The following KLHL28 variants were observed in gnomAD, a reference collection of about 807,000 sequenced individuals.
KLHL28 encodes the protein kelch like family member 28, also known as kelch-like protein 28.
In KLHL28, 22 loss-of-function variants were observed where a neutral mutation model predicts 48.3. The ratio of observed to expected loss-of-function variants is 0.46; its 90% CI spans 0.33 to 0.65. The LOEUF (loss-of-function observed/expected upper bound fraction) is 0.65. Ranked by LOEUF, KLHL28 falls within the 30% of genes least tolerant of loss-of-function variation. The pLI is 0.03. For synonymous variants in KLHL28, 243 were observed against 242.4 expected, an observed-to-expected ratio of 1.00 and a Z score of -0.02; for missense variants, 527 against 704.3, an observed-to-expected ratio of 0.75 and a Z score of 2.85.
At chr14:44,956,606 A>G (rs565562313) in intron 1 of KLHL28, among the ~76,000 whole-genome samples, 1 of 152,356 alleles carries the variant, frequency 6.6e-6, no homozygotes, top group South Asian at 2.1e-4. Context: ...AAATCTTGTA[A>G]AATAAACTAA....
At chr14:44,935,761 G>T (rs1167445333) in intron 2 of KLHL28, among the ~76,000 whole-genome samples, 1 of 150,866 alleles carries the variant, frequency 6.6e-6, no homozygotes, top group Non-Finnish European at 1.5e-5. Flanking sequence ...GGGGACTTCA[G>T]AAGTATTGTT....
intron 1 of KLHL28, among the ~76,000 whole-genome samples, chr14:44,950,393 C>T (rs1884527132): frequency 6.6e-6 from 1 of 152,110 alleles, no homozygotes; most frequent in South Asian, 2.1e-4. Flanking sequence ...TGACTAGATT[C>T]ATTTTTAATA....
At chr14:44,933,831 A>G (rs868438760) in intron 3 of KLHL28, among the ~76,000 whole-genome samples, 3 of 152,248 alleles carry the variant, frequency 2.0e-5, no homozygotes, top group African/African-American at 7.2e-5. Context: ...CACACCACAC[A>G]AAATCTAAAG....
intron 1 of KLHL28, among the ~76,000 whole-genome samples, chr14:44,955,848 T>C (rs535117084): frequency 1.1e-3 from 164 of 152,252 alleles, no homozygotes; most frequent in Non-Finnish European, 1.9e-3. Context: ...AAGAGTCATA[T>C]AAAAAATATT....
intron 1 of KLHL28, among the ~76,000 whole-genome samples, chr14:44,954,301 G>A (rs914692730): frequency 1.3e-5 from 2 of 152,004 alleles, no homozygotes; most frequent in African/African-American, 4.8e-5. Flanking sequence ...AAATTACACT[G>A]GCAAAAATGT....
chr14:44,933,959 T>C (rs1276117977), intron 3 of KLHL28, among the ~76,000 whole-genome samples, 156 bp downstream of exon 3: 1 of 152,226 alleles, frequency 6.6e-6, no homozygotes, highest in African/African-American at 2.4e-5. Flanking sequence ...TAAATTCCCA[T>C]GTAAAACAAT....
intron 3 of KLHL28, 51 bp downstream of exon 3, chr14:44,934,064 A>C: frequency 7.1e-7 from 1 of 1,408,104 alleles, no homozygotes; most frequent in Non-Finnish European, 9.7e-7. Flanking sequence ...ATTGCTAATG[A>C]GACTTTTAAA....
At chr14:44,929,578 A>T (rs1194008827) in intron 4 of KLHL28, among the ~76,000 whole-genome samples, 1 of 152,246 alleles carries the variant, frequency 6.6e-6, no homozygotes, top group African/African-American at 2.4e-5. Flanking sequence ...TATTACATAT[A>T]TAGGGTTTGG....
chr14:44,943,445 G>A (rs1470809133), intron 2 of KLHL28, among the ~76,000 whole-genome samples: 2 of 152,140 alleles, frequency 1.3e-5, no homozygotes, highest in East Asian at 3.9e-4. Flanking sequence ...ATCACCTGAG[G>A]TCAGGAGTTT....
intron 1 of KLHL28, among the ~76,000 whole-genome samples, chr14:44,955,125 A>T (rs1021921892): frequency 3.3e-5 from 5 of 152,054 alleles, no homozygotes; most frequent in Admixed American, 3.3e-4. Context: ...AAAAGAAGGT[A>T]ACGACATAAC....
intron 1 of KLHL28, among the ~76,000 whole-genome samples, chr14:44,958,730 GTC>G (rs144547466): frequency 0.024 from 3,711 of 152,124 alleles, 172 homozygotes; most frequent in African/African-American, 0.085. Context: ...TATGACAGGC[GTC>G]TAAGTTACAT....
intron 2 of KLHL28, among the ~76,000 whole-genome samples, chr14:44,935,016 A>C (rs969448270): frequency 1.3e-5 from 2 of 152,198 alleles, no homozygotes; most frequent in Non-Finnish European, 2.9e-5. Context: ...GCATGCATAC[A>C]TATATGTCCA....
Position 44,929,029 on chromosome 14 carries a change from C to G in KLHL28, c.1715G>C (p.Ter572SerextTer3), listed in dbSNP as rs1883476538. The G allele has an allele frequency of 3.7e-6, 6 of 1,613,480 alleles. No individual in the cohort carries two copies. The highest frequency in any genetic ancestry group is 5.1e-6 in the Non-Finnish European group (6 of 1,179,644). ...CRCNFGLTAL[*>S] Reference sequence around the variant, plus strand: ...ACTATTTCCGAGAGTTCACATTTGTCAAAGTGCAGTTAACCCAAAGTTGCA... The same window carrying G: ...ACTATTTCCGAGAGTTCACATTTGTGAAAGTGCAGTTAACCCAAAGTTGCA... Residue 572 changes from the stop codon to serine (S), a stop_lost, in exon 5 of 5, where the codon TGA becomes TCA. Transcript: ENST00000396128.
chr14:44,935,042 G>C (rs1339630957), intron 2 of KLHL28, among the ~76,000 whole-genome samples: 1 of 152,122 alleles, frequency 6.6e-6, no homozygotes, highest in Non-Finnish European at 1.5e-5. Context: ...GTTTACTACA[G>C]TATTATTTGT....
In KLHL28 at chr14:44,925,461, C is replaced by G. The variant is rs1344435472; in HGVS notation, c.*3567G>C. The G allele has an allele frequency of 6.6e-6, 1 of 151,922 alleles. No homozygotes were observed. Among genetic ancestry groups the G allele is most frequent in the Non-Finnish European group, 1.5e-5 (1 of 67,906 alleles). The allele number at this position is 151,922 out of a possible 1,614,324, so 9.4% of individuals were successfully genotyped here. A position where few individuals can be genotyped will look rare whatever the true frequency, so the allele number is the denominator to read the frequency against. On this transcript the variant is annotated 3_prime_UTR_variant, in exon 5 of 5. Transcript: ENST00000396128. The stretch of plus-strand genomic sequence containing the variant: ...TATTTCTTTTTCATGCCAATAAAAC[C>G]TAATTGGACACTAAGGAATTGCTTA...
At chr14:44,949,152 G>C (rs904971943) in intron 1 of KLHL28, among the ~76,000 whole-genome samples, 1 of 152,048 alleles carries the variant, frequency 6.6e-6, no homozygotes, top group Non-Finnish European at 1.5e-5. Context: ...AGTGCCACAG[G>C]ACTGAAGACT....
At chr14:44,946,033 G>C (rs1884321496) in intron 1 of KLHL28, 105 bp from the exon 2 acceptor site, 1 of 926,766 alleles carries the variant, frequency 1.1e-6, no homozygotes, top group South Asian at 1.7e-5. Flanking sequence ...TTATTTGTCT[G>C]TTCATTGGTT....
rs764219045 is a variant in KLHL28 at position 44,961,011 on chromosome 14, AT to A, written c.-1+834del. The A allele has an allele frequency of 2.5e-4, 192 of 780,414 alleles. 1 individual carries two copies. The highest frequency in any genetic ancestry group is 6.5e-4 in the South Asian group (41 of 62,864). The allele number at this position is 780,414 out of a possible 1,614,324, so 48.3% of individuals were successfully genotyped here. ...AGTATTATTCCTTCAAAAAAAAAAAATATCTCTTCCACACTCCAAAGCATTC... is the reference window on the plus strand; with the variant it reads ...AGTATTATTCCTTCAAAAAAAAAAAAATCTCTTCCACACTCCAAAGCATTC... On this transcript the variant is annotated intron_variant, in intron 1 of 4. Coordinates refer to ENST00000396128, the MANE Select transcript of KLHL28 (RefSeq NM_017658.5).
At chr14:44,951,221 C>T (rs1482568754) in intron 1 of KLHL28, among the ~76,000 whole-genome samples, 1 of 152,216 alleles carries the variant, frequency 6.6e-6, no homozygotes, top group Non-Finnish European at 1.5e-5. Context: ...GAAACTGTCT[C>T]ATGACACACT....
Sources: allele counts gnomAD v4.1 joint callset (sites outside exome capture counted in the v4.1 genomes callset), GRCh38; gene constraint gnomAD v4.1.1; transcripts MANE v1.5; gene names NCBI Gene and HGNC (gene_info 2026-07-23, HGNC 2026-07-21).